Variants in TRIM16 observed in about 807,000 individuals in gnomAD.
TRIM16 encodes the protein tripartite motif-containing protein 16.
A neutral mutation model predicts 50.4 loss-of-function variants in TRIM16; 33 were observed. The ratio of observed to expected loss-of-function variants is 0.65; its 90% CI spans 0.50 to 0.88. The LOEUF (loss-of-function observed/expected upper bound fraction) is 0.88, where lower values mean the gene tolerates loss of function less well. Ranked by LOEUF, TRIM16 falls within the 40% of genes least tolerant of loss-of-function variation. The probability of loss-of-function intolerance (pLI) is 0.00; values close to 1 mark genes in which losing one functional copy is unlikely to be tolerated. For synonymous variants in TRIM16, 229 were observed against 270.7 expected (o/e 0.85, Z 1.51); for missense variants, 581 against 686.8 (o/e 0.85, Z 1.72).
intron 7 of TRIM16, among the ~76,000 whole-genome samples, chr17:15,649,450 CTAATTTTTTG>C (rs1987576918): frequency 6.6e-6 from 1 of 151,976 alleles, no homozygotes; most frequent in South Asian, 2.1e-4. Flanking sequence ...CCACACCCAG[CTAATTTTTTG>C]TATTTTTAGT....
intron 6 of TRIM16, among the ~76,000 whole-genome samples, chr17:15,662,764 C>T (rs1988298764): frequency 1.3e-5 from 2 of 152,138 alleles, no homozygotes; most frequent in Admixed American, 1.3e-4. Context: ...GATAAGAAAA[C>T]AGTAACTTAA....
At chr17:15,677,456 T>A (rs1316739441) in intron 5 of TRIM16, 119 bp downstream of exon 5, 24 of 951,590 alleles carry the variant, frequency 2.5e-5, no homozygotes, top group Non-Finnish European at 2.9e-5. Flanking sequence ...TGATCTGGAT[T>A]CTGTGGGGGA....
At chr17:15,655,733 C>T (rs1208440315) in intron 6 of TRIM16, among the ~76,000 whole-genome samples, 1 of 152,114 alleles carries the variant, frequency 6.6e-6, no homozygotes, top group Non-Finnish European at 1.5e-5. Flanking sequence ...CACCACCATG[C>T]CTGGTTAATT....
At chr17:15,653,830 CG>C (rs1263248026) in intron 6 of TRIM16, among the ~76,000 whole-genome samples, 1 of 152,142 alleles carries the variant, frequency 6.6e-6, no homozygotes, top group Non-Finnish European at 1.5e-5. Context: ...GACCCCTGGA[CG>C]GGGGTACACA....
intron 2 of TRIM16, 40 bp from the exon 3 acceptor site, chr17:15,682,991 G>A (rs1989242406): frequency 6.5e-7 from 1 of 1,550,066 alleles, no homozygotes; most frequent in Non-Finnish European, 8.7e-7. Flanking sequence ...TGTGCATACT[G>A]CAGATTCTTG....
At chr17:15,682,261 TA>T (rs1989213022) in intron 3 of TRIM16, among the ~76,000 whole-genome samples, 2 of 152,214 alleles carry the variant, frequency 1.3e-5, no homozygotes, top group South Asian at 4.1e-4. Flanking sequence ...GAAAAAAAGG[TA>T]TGATCAATAT....
rs78801476 is a variant in TRIM16 at position 15,681,791 on chromosome 17, T to C, written c.-678-838A>G. Among the ~76,000 whole-genome samples, 32 of 151,960 alleles carry C rather than the reference T, an allele frequency of 2.1e-4. No homozygotes were observed. The East Asian group carries it at 6.7e-3, about 32-fold the overall frequency. On this transcript the variant is annotated intron_variant, in intron 3 of 11. Transcript: ENST00000649191. ...CTATATTTTCCTAATATTTTACAGT[T>C]TATTATTTCTTCAATCCTCTCTCCA...
intron 10 of TRIM16, 43 bp downstream of exon 10, chr17:15,632,466 A>C: frequency 6.4e-7 from 1 of 1,556,284 alleles, no homozygotes; most frequent in East Asian, 2.3e-5. Context: ...ATCTACTGCT[A>C]GAGACACACT....
At chr17:15,663,076 C>T (rs1988313682) in intron 6 of TRIM16, among the ~76,000 whole-genome samples, 1 of 152,098 alleles carries the variant, frequency 6.6e-6, no homozygotes, top group African/African-American at 2.4e-5. Context: ...GAGCCTTCTC[C>T]TCCCCAAGAG....
At chr17:15,657,862 A>G (rs1006990172) in intron 6 of TRIM16, among the ~76,000 whole-genome samples, 3 of 152,216 alleles carry the variant, frequency 2.0e-5, no homozygotes, top group African/African-American at 7.2e-5. Context: ...ATTGGACATC[A>G]TTGGCTTCCT....
intron 6 of TRIM16, among the ~76,000 whole-genome samples, chr17:15,661,841 C>CT (rs146798167): frequency 0.024 from 3,582 of 152,224 alleles, 140 homozygotes; most frequent in African/African-American, 0.082. Context: ...CCCTGAAATT[C>CT]TGAGGTGTAG....
chr17:15,658,711 A>G (rs1438369706), intron 6 of TRIM16: 2 of 764,826 alleles, frequency 2.6e-6, no homozygotes, highest in Non-Finnish European at 3.2e-6. Flanking sequence ...TCACTTTGCA[A>G]TTTTTCTCGT....
intron 11 of TRIM16, among the ~76,000 whole-genome samples, chr17:15,629,422 G>C (rs1986289964): frequency 6.6e-6 from 1 of 152,238 alleles, no homozygotes; most frequent in South Asian, 2.1e-4. Context: ...CAAGTTGCTT[G>C]ACATTGATGA....
intron 6 of TRIM16, among the ~76,000 whole-genome samples, chr17:15,659,051 G>A (rs1988100621): frequency 6.6e-6 from 1 of 152,186 alleles, no homozygotes. Flanking sequence ...GCTGTCCCAG[G>A]GCACTGCGTG....
chr17:15,632,496 G>A lies in TRIM16; in HGVS notation c.1015+13C>T, dbSNP rs2150897617. 6.2e-7 allele frequency: 1 copy of A among 1,608,346 alleles called. No homozygotes were observed. Among genetic ancestry groups the A allele is most frequent in the Non-Finnish European group, 8.5e-7 (1 of 1,176,772 alleles). On this transcript the variant is annotated intron_variant, in intron 10 of 11. Transcript: ENST00000649191. ...CACACTCACTATAGTCCATGGCCCA[G>A]AATGCGTCTCACCTTCCTTGGAAAA...
intron 6 of TRIM16, among the ~76,000 whole-genome samples, chr17:15,663,670 A>G (rs745373779): frequency 3.2e-4 from 48 of 152,040 alleles, no homozygotes; most frequent in Non-Finnish European, 3.8e-4. Flanking sequence ...TAAATGGTAC[A>G]CTCTCTCCAG....
At chr17:15,660,609 T>C (rs900703966) in intron 6 of TRIM16, among the ~76,000 whole-genome samples, 1 of 151,882 alleles carries the variant, frequency 6.6e-6, no homozygotes. Context: ...CTCGAAAGAA[T>C]ACAGAGGGGC....
rs55929822 is a variant in TRIM16, at chr17:15,678,878, C to CTTTT, written c.-589-1161_-589-1158dup. Among the ~76,000 whole-genome samples, 37 of 75,360 alleles carry CTTTT rather than the reference C, an allele frequency of 4.9e-4. 1 individual carries two copies. Among genetic ancestry groups the CTTTT allele is most frequent in the East Asian group, 1.3e-3 (3 of 2,300 alleles). 49.4% of individuals were successfully genotyped at this position (75,360 alleles called of 152,430 possible). A position where few individuals can be genotyped will look rare whatever the true frequency, so the allele number is the denominator to read the frequency against. On this transcript the variant is annotated intron_variant, in intron 4 of 11. Transcript: ENST00000649191. ...TACGACTGGAGAAATGCAGACTCTC[C>CTTTT]TTTTTTTTTTTTTTTTTGAGACGGA...
At chr17:15,682,980 G>A in intron 2 of TRIM16, 29 bp from the exon 3 acceptor site, 1 of 1,549,338 alleles carries the variant, frequency 6.5e-7, no homozygotes, top group Non-Finnish European at 8.7e-7. Flanking sequence ...ATGAGGTTGT[G>A]TGTGCATACT....
Sources: allele counts gnomAD v4.1 joint callset (sites outside exome capture counted in the v4.1 genomes callset), GRCh38; gene constraint gnomAD v4.1.1; transcripts MANE v1.5; gene names NCBI Gene and HGNC (gene_info 2026-07-23, HGNC 2026-07-21).